The following ANKRD28 variants were observed in gnomAD, a reference collection of about 807,000 sequenced individuals.
ANKRD28 encodes the protein serine/threonine-protein phosphatase 6 regulatory ankyrin repeat subunit A.
Under a neutral mutation model 126.5 loss-of-function variants are expected in ANKRD28, and 44 were observed. The observed-to-expected ratio is 0.35, with a 90% CI of 0.27 to 0.45. The LOEUF (loss-of-function observed/expected upper bound fraction) is 0.45, where lower values mean the gene tolerates loss of function less well. ANKRD28 is among the 20% of genes least tolerant of loss of function. The pLI is 1.00. For missense variants in ANKRD28, 1,110 were observed against 1,316.6 expected (o/e 0.84, Z 2.43); for synonymous variants, 442 against 468.5 (o/e 0.94, Z 0.73).
At position 15,853,530 on chromosome 3, in the gene ANKRD28, T is replaced by A. The variant is rs1018868317; in HGVS notation, c.27+5847A>T. 6.6e-6 allele frequency among the ~76,000 whole-genome samples: 1 copy of A among 152,136 alleles called. No individual in the cohort carries two copies. Among genetic ancestry groups the A allele is most frequent in the Non-Finnish European group, 1.5e-5 (1 of 68,026 alleles). ...TGTCGCCCAGGCTGGAGTGCAGTAG[T>A]ACGATTCTGGCTCACTGCAAGCTCC... On this transcript the variant is annotated intron_variant, in intron 1 of 27. Transcript: ENST00000399451. This position sits in a 1 kb window ranked among gnomAD's most constrained non-coding sequence, Gnocchi z 4.2.
intron 2 of ANKRD28, among the ~76,000 whole-genome samples, chr3:15,792,100 G>C (rs1399891757): frequency 6.6e-6 from 1 of 151,634 alleles, no homozygotes; most frequent in Non-Finnish European, 1.5e-5. Context: ...AGGATGTAAA[G>C]AAAAGGGAAC....
At chr3:15,788,993 G>T (rs1240573786) in intron 2 of ANKRD28, among the ~76,000 whole-genome samples, 2 of 152,090 alleles carry the variant, frequency 1.3e-5, no homozygotes, top group Non-Finnish European at 2.9e-5. Flanking sequence ...GAAAATCTAG[G>T]TCTTTCAACT....
chr3:15,690,490 G>A (rs1214841983), intron 17 of ANKRD28, among the ~76,000 whole-genome samples: 8 of 152,124 alleles, frequency 5.3e-5, no homozygotes, highest in Non-Finnish European at 1.2e-4. Flanking sequence ...CTTGGCTCAC[G>A]GCAGACATTC....
At chr3:15,841,690 C>T (rs886157008) in intron 1 of ANKRD28, among the ~76,000 whole-genome samples, 3 of 152,162 alleles carry the variant, frequency 2.0e-5, no homozygotes, top group African/African-American at 7.2e-5. Flanking sequence ...AGGGTCTCGG[C>T]ATCACTGAGC....
At chr3:15,738,807 C>G (rs998895772) in intron 4 of ANKRD28, 1 of 152,228 alleles carries the variant, frequency 6.6e-6, no homozygotes, top group African/African-American at 2.4e-5. Context: ...GGAATTTCCT[C>G]TTCCTAATAG....
intron 26 of ANKRD28, 84 bp from the exon 27 acceptor site, chr3:15,676,073 T>C: frequency 1.4e-5 from 16 of 1,163,228 alleles, no homozygotes; most frequent in Non-Finnish European, 1.9e-5. Flanking sequence ...AAGAGCATTT[T>C]TGTCAACTTG....
intron 21 of ANKRD28, chr3:15,683,888 T>C (rs910672830): frequency 4.6e-5 from 7 of 152,234 alleles, no homozygotes; most frequent in African/African-American, 1.7e-4. Flanking sequence ...CTCAACTTCC[T>C]GGTAAGGCAG....
intron 14 of ANKRD28, among the ~76,000 whole-genome samples, chr3:15,701,557 T>C (rs1575242050): frequency 6.6e-6 from 1 of 152,040 alleles, no homozygotes; most frequent in Non-Finnish European, 1.5e-5. Flanking sequence ...GGCAGGAGAA[T>C]CACTTGAACC....
rs549189686 is a variant in ANKRD28 at position 15,796,666 on chromosome 3, T to A, written c.-145A>T. On this transcript the variant is annotated 5_prime_UTR_variant, in exon 1 of 28. Coordinates refer to ENST00000683139, the MANE Select transcript of ANKRD28 (RefSeq NM_001349278.2). The stretch of plus-strand genomic sequence containing the variant: ...GGGTTTTTTTTTTTTTTAAAGTTAA[T>A]AAGTACTACTGGAAAAACAAGTTTA... The A allele has an allele frequency of 1.9e-5, 18 of 970,884 alleles. No individual in the cohort carries two copies. In the South Asian group the frequency reaches 4.6e-4, roughly 25 times the overall value. 60.1% of individuals were successfully genotyped at this position (970,884 alleles called of 1,614,324 possible).
chr3:15,771,173 GC>G (rs748352235), intron 2 of ANKRD28, among the ~76,000 whole-genome samples: 1 of 152,170 alleles, frequency 6.6e-6, no homozygotes, highest in Non-Finnish European at 1.5e-5. Flanking sequence ...ACTTTGGGAA[GC>G]CCAGGCGGGC....
chr3:15,701,947 A>T (rs568001207), intron 14 of ANKRD28, among the ~76,000 whole-genome samples: 3 of 151,838 alleles, frequency 2.0e-5, no homozygotes, highest in African/African-American at 7.3e-5. Flanking sequence ...ATTTAAAAAA[A>T]ATCTTTAATC....
intron 8 of ANKRD28, among the ~76,000 whole-genome samples, chr3:15,719,306 CA>C (rs1489183888): frequency 6.6e-6 from 1 of 152,158 alleles, no homozygotes; most frequent in Non-Finnish European, 1.5e-5. Flanking sequence ...CTCATGTAAT[CA>C]AAATGCTCTG....
chr3:15,800,947 A>T (rs2060451898), upstream of ANKRD28, among the ~76,000 whole-genome samples: 1 of 152,138 alleles, frequency 6.6e-6, no homozygotes, highest in Non-Finnish European at 1.5e-5. Context: ...CTCACATCTT[A>T]AAAGGAGACA....
At position 15,773,580 on chromosome 3, in the gene ANKRD28, G is replaced by A. The variant is rs960683365; in HGVS notation, c.202-7268C>T. 5.9e-5 allele frequency among the ~76,000 whole-genome samples: 9 copies of A among 152,094 alleles called. No homozygotes were observed. The East Asian group carries it at 1.7e-3, about 29-fold the overall frequency. ...ATGGAGGTTGCAGTGAGCCAAGACT[G>A]CACTCCTGCCTGGGCAACAGAGTAA... On this transcript the variant is annotated intron_variant, in intron 2 of 27. Coordinates refer to ENST00000683139, the MANE Select transcript of ANKRD28 (RefSeq NM_001349278.2).
chr3:15,764,506 T>G (rs1214398309), intron 3 of ANKRD28, among the ~76,000 whole-genome samples: 1 of 150,642 alleles, frequency 6.6e-6, no homozygotes, highest in East Asian at 1.9e-4. Flanking sequence ...CTTTGAGCAT[T>G]TGAAAAGTTT....
At chr3:15,753,845 C>T (rs1365887091) in intron 3 of ANKRD28, among the ~76,000 whole-genome samples, 2 of 151,990 alleles carry the variant, frequency 1.3e-5, no homozygotes, top group African/African-American at 2.4e-5. Flanking sequence ...TACTCAGAGG[C>T]TGAGGCAGGA....
Position 15,714,613 on chromosome 3 carries a change from C to T in ANKRD28, c.1040G>A (p.Gly347Asp). 1.9e-6 allele frequency: 3 copies of T among 1,597,370 alleles called. No individual in the cohort carries two copies. The highest frequency in any genetic ancestry group is 2.6e-6 in the Non-Finnish European group (3 of 1,174,618). Residue 347 changes from glycine to aspartate, a missense_variant, in exon 9 of 28, where the codon GGT becomes GAT. Gly to Asp is a moderately conservative substitution (Grantham distance 94). Transcript: ENST00000683139. Reference sequence around the variant, plus strand: ...AATGGTTTGTGATCGGGAGAATCTACCGTGGAGAGCAGTCATGTGTAGTGG... The same window carrying T: ...AATGGTTTGTGATCGGGAGAATCTATCGTGGAGAGCAGTCATGTGTAGTGG... ...KTPLHMTALH[G>D]RFSRSQTIIQ...
chr3:15,724,411 C>G lies in ANKRD28; in HGVS notation c.754G>C (p.Val252Leu), dbSNP rs750409900. The change falls in exon 7 of 28, where the codon GTC becomes CTC. Residue 252 changes from valine to leucine, a missense_variant. Val to Leu is a conservative substitution (Grantham distance 32). Transcript: ENST00000683139. Reference protein sequence around the residue: ...AAASSGMISVVKYLLDLGVDM... With the variant: ...AAASSGMISVLKYLLDLGVDM... ...ACTCCAAGATCTAGAAGGTACTTGACTACGCTGATCATTCCACTAGAGGCT... is the reference window on the plus strand; with the variant it reads ...ACTCCAAGATCTAGAAGGTACTTGAGTACGCTGATCATTCCACTAGAGGCT... The G allele has an allele frequency of 6.2e-7, 1 of 1,607,074 alleles. No homozygotes were observed.
chr3:15,786,462 A>G (rs1033488557), intron 2 of ANKRD28, among the ~76,000 whole-genome samples: 4 of 152,236 alleles, frequency 2.6e-5, no homozygotes, highest in African/African-American at 9.6e-5. Flanking sequence ...AGTAATTACC[A>G]GGGAGAGGAG....
Sources: allele counts gnomAD v4.1 joint callset (sites outside exome capture counted in the v4.1 genomes callset), GRCh38; gene constraint gnomAD v4.1.1; non-coding constraint Gnocchi (gnomAD v3.1); transcripts MANE v1.5; gene names NCBI Gene and HGNC (gene_info 2026-07-23, HGNC 2026-07-21).